The following ADAMTSL1 variants were observed in gnomAD, a reference collection of about 807,000 sequenced individuals.
The protein encoded by ADAMTSL1 is ADAMTS like 1, also known as ADAMTS-like protein 1.
A neutral mutation model predicts 201.8 loss-of-function variants in ADAMTSL1; 126 were observed. The ratio of observed to expected loss-of-function variants is 0.62; its 90% CI spans 0.54 to 0.72. ADAMTSL1 has a LOEUF of 0.72. ADAMTSL1 is among the 30% of genes least tolerant of loss of function. The probability of loss-of-function intolerance (pLI) is 0.00; values close to 1 mark genes in which losing one functional copy is unlikely to be tolerated. For synonymous variants in ADAMTSL1, 1,121 were observed against 903.4 expected, an observed-to-expected ratio of 1.24 and a Z score of -4.32; for missense variants, 2,679 against 2,277.8, an observed-to-expected ratio of 1.18 and a Z score of -3.59.
chr9:18,306,923 A>C (rs1342494259), intron 2 of ADAMTSL1, among the ~76,000 whole-genome samples: 1 of 152,188 alleles, frequency 6.6e-6, no homozygotes, highest in African/African-American at 2.4e-5. Flanking sequence ...TGAAGGAAAA[A>C]ATGTTAAGGG....
chr9:18,158,593 C>G (rs1229312200), intron 1 of ADAMTSL1, among the ~76,000 whole-genome samples: 1 of 152,018 alleles, frequency 6.6e-6, no homozygotes, highest in African/African-American at 2.4e-5. Flanking sequence ...TTACTGAAAT[C>G]TGGTAAACTC....
intron 1 of ADAMTSL1, among the ~76,000 whole-genome samples, chr9:18,054,734 AT>A (rs1179308719): frequency 6.6e-6 from 1 of 152,198 alleles, no homozygotes; most frequent in African/African-American, 2.4e-5. Flanking sequence ...CTTCAATAAT[AT>A]TTTTTAAACC....
intron 4 of ADAMTSL1, chr9:18,574,477 T>C (rs1564060688): frequency 1.6e-6 from 1 of 612,938 alleles, no homozygotes; most frequent in East Asian, 2.7e-5. Flanking sequence ...TTATTTTTCT[T>C]TCCTTGAGTG....
chr9:18,512,781 A>T (rs369764120), intron 2 of ADAMTSL1, among the ~76,000 whole-genome samples: 1 of 152,184 alleles, frequency 6.6e-6, no homozygotes, highest in Non-Finnish European at 1.5e-5. Context: ...TTATATATTA[A>T]TGCTTTCTTT....
rs190371929 is a variant in ADAMTSL1 at position 18,680,454 on chromosome 9, C to T, written c.1279C>T (p.Pro427Ser). ...EWKCMYTPKMPIAQPCNIFDC... is the reference protein window; with the variant it reads ...EWKCMYTPKMSIAQPCNIFDC... ...GAAATGCATGTACACCCCTAAGATG[C>T]CCATCGCGCAGCCCTGCAACATTTT... The change falls in exon 11 of 29, where the codon CCC becomes TCC. Residue 427 changes from proline (P) to serine (S), a missense_variant. Coordinates refer to ENST00000380548, the MANE Select transcript of ADAMTSL1 (RefSeq NM_001040272.6). 3 of 1,614,056 alleles carry T rather than the reference C, an allele frequency of 1.9e-6. No homozygotes were observed. The highest frequency in any genetic ancestry group is 2.2e-5 in the South Asian group (2 of 91,080).
intron 2 of ADAMTSL1, among the ~76,000 whole-genome samples, chr9:18,463,346 G>A (rs1013651672): frequency 2.0e-5 from 3 of 152,004 alleles, no homozygotes; most frequent in Non-Finnish European, 4.4e-5. Context: ...TTCTTTTATC[G>A]TCTTTTTTCT....
intron 19 of ADAMTSL1, among the ~76,000 whole-genome samples, chr9:18,784,932 G>A (rs562621765): frequency 3.7e-4 from 57 of 152,320 alleles, no homozygotes; most frequent in Middle Eastern, 6.8e-3. Context: ...TTGGGAGGCC[G>A]AGGTGGGCAG....
intron 20 of ADAMTSL1, among the ~76,000 whole-genome samples, chr9:18,812,496 T>C (rs1009549120): frequency 6.6e-6 from 1 of 152,024 alleles, no homozygotes; most frequent in Admixed American, 6.5e-5. Flanking sequence ...TAGAAAAAAA[T>C]AGGAAAAATC....
At chr9:18,321,021 G>C (rs1235217108) in intron 2 of ADAMTSL1, among the ~76,000 whole-genome samples, 1 of 152,002 alleles carries the variant, frequency 6.6e-6, no homozygotes, top group Non-Finnish European at 1.5e-5. Context: ...TACATGGACA[G>C]AATGAATTAA....
intron 22 of ADAMTSL1, among the ~76,000 whole-genome samples, chr9:18,829,558 G>A (rs1824843702): frequency 6.6e-6 from 1 of 152,100 alleles, no homozygotes; most frequent in African/African-American, 2.4e-5. Context: ...CTACAAATGT[G>A]TAGGTACCCA....
chr9:18,122,046 G>T (rs908312152), intron 1 of ADAMTSL1, among the ~76,000 whole-genome samples: 19 of 152,104 alleles, frequency 1.2e-4, no homozygotes, highest in East Asian at 5.8e-4. Flanking sequence ...AGGAAAATAT[G>T]CCTTCCTTAG....
intron 15 of ADAMTSL1, 54 bp from the exon 16 acceptor site, chr9:18,753,244 A>G: frequency 6.5e-7 from 1 of 1,532,398 alleles, no homozygotes; most frequent in Non-Finnish European, 8.9e-7. Context: ...CATGGGAAAC[A>G]TTCTCTGCAC....
At chr9:18,381,689 G>T (rs1217926864) in intron 2 of ADAMTSL1, among the ~76,000 whole-genome samples, 2 of 151,916 alleles carry the variant, frequency 1.3e-5, no homozygotes, top group Non-Finnish European at 2.9e-5. Context: ...TTGATGAAGG[G>T]CCATGATGTT....
At chr9:18,698,846 T>C (rs1332184745) in intron 13 of ADAMTSL1, among the ~76,000 whole-genome samples, 2 of 152,178 alleles carry the variant, frequency 1.3e-5, no homozygotes, top group Non-Finnish European at 2.9e-5. Flanking sequence ...ATACCAATCT[T>C]CCCCCTGGCC....
intron 5 of ADAMTSL1, among the ~76,000 whole-genome samples, chr9:18,628,218 C>T (rs186322568): frequency 6.6e-6 from 1 of 152,202 alleles, no homozygotes; most frequent in Non-Finnish European, 1.5e-5. Flanking sequence ...TGCAGAAATA[C>T]ATTTCACCTT....
chr9:18,800,051 C>G (rs1288462541), intron 20 of ADAMTSL1, among the ~76,000 whole-genome samples: 2 of 152,032 alleles, frequency 1.3e-5, no homozygotes, highest in Admixed American at 6.5e-5. Flanking sequence ...CAAAGGCTAA[C>G]AAAGGAAGAT....
intron 1 of ADAMTSL1, among the ~76,000 whole-genome samples, chr9:17,918,635 C>G (rs1407808278): frequency 2.0e-5 from 3 of 151,042 alleles, no homozygotes; most frequent in East Asian, 1.9e-4. Flanking sequence ...TTTTTTTTTC[C>G]CGATCAGTTT....
At chr9:18,413,146 A>AT (rs11367468) in intron 2 of ADAMTSL1, among the ~76,000 whole-genome samples, 100 of 132,474 alleles carry the variant, frequency 7.5e-4, no homozygotes, top group Admixed American at 2.9e-3. Context: ...TCTAAGGATA[A>AT]TTTTTTTTTT....
At chr9:18,477,982 C>G (rs1326829469) in intron 1 of ADAMTSL1, among the ~76,000 whole-genome samples, 1 of 152,106 alleles carries the variant, frequency 6.6e-6, no homozygotes, top group Non-Finnish European at 1.5e-5. Context: ...AAATTGAAGT[C>G]TTTTGAGAGA....
Sources: gnomAD v4.1 joint callset for allele counts (sites outside exome capture counted in the v4.1 genomes callset) on GRCh38, gnomAD v4.1.1 for gene constraint, MANE v1.5 for transcripts, NCBI Gene and HGNC (gene_info 2026-07-23, HGNC 2026-07-21) for gene names.